RABEP1: variants seen among roughly 807,000 people sequenced by gnomAD.
RABEP1 encodes the protein rab GTPase-binding effector protein 1.
Under a neutral mutation model 123.4 loss-of-function variants are expected in RABEP1, and 51 were observed. That is an observed-to-expected ratio of 0.41 (90% CI 0.33 to 0.52). The LOEUF (loss-of-function observed/expected upper bound fraction) is 0.52, where lower values mean the gene tolerates loss of function less well. RABEP1 is among the 20% of genes least tolerant of loss of function. RABEP1 has a pLI of 0.16. For synonymous variants in RABEP1, 347 were observed against 355.2 expected, an observed-to-expected ratio of 0.98 and a Z score of 0.26; for missense variants, 888 against 996.3, an observed-to-expected ratio of 0.89 and a Z score of 1.46.
At chr17:5,352,852 A>C (rs1252964183) in intron 7 of RABEP1, among the ~76,000 whole-genome samples, 1 of 152,104 alleles carries the variant, frequency 6.6e-6, no homozygotes, top group Non-Finnish European at 1.5e-5. Flanking sequence ...ACAAAAACAA[A>C]GAGTCTAAAC....
At chr17:5,309,423 G>A (rs1262742817) in intron 2 of RABEP1, among the ~76,000 whole-genome samples, 1 of 152,064 alleles carries the variant, frequency 6.6e-6, no homozygotes, top group Admixed American at 6.6e-5. Context: ...GCCAACGGGC[G>A]GGGGCGGATC....
chr17:5,302,546 A>G (rs1185605489), intron 1 of RABEP1, among the ~76,000 whole-genome samples: 2 of 149,864 alleles, frequency 1.3e-5, no homozygotes. Flanking sequence ...CGGCCAGCTT[A>G]CCTTAGTCTA....
chr17:5,365,811 C>T (rs144512982), intron 11 of RABEP1, among the ~76,000 whole-genome samples: 7 of 152,318 alleles, frequency 4.6e-5, no homozygotes, highest in East Asian at 3.9e-4. Flanking sequence ...TGTGTTCCTC[C>T]GTTCAACAGT....
intron 12 of RABEP1, among the ~76,000 whole-genome samples, chr17:5,372,040 T>A (rs1014723504): frequency 1.4e-4 from 21 of 152,142 alleles, no homozygotes; most frequent in Admixed American, 1.1e-3. Flanking sequence ...TAGAGCTTTA[T>A]CTGATACTCG....
chr17:5,325,110 C>A (rs549967969), intron 2 of RABEP1, among the ~76,000 whole-genome samples: 1 of 151,856 alleles, frequency 6.6e-6, no homozygotes, highest in Non-Finnish European at 1.5e-5. Context: ...CTCAGGAGTT[C>A]GAGACCAGCC....
rs553803165 is a variant in RABEP1, at chr17:5,305,126, A to T, written c.35-3568A>T. Among the ~76,000 whole-genome samples, 11 of 152,212 alleles carry T rather than the reference A, an allele frequency of 7.2e-5. No homozygotes were observed. In the South Asian group the frequency reaches 2.3e-3, roughly 32 times the overall value. ...TGTGGTTGGTTGCTAATGCATTAGGATATGCTTATTTGTAAACTTTCTCAT... is the reference window on the plus strand; with the variant it reads ...TGTGGTTGGTTGCTAATGCATTAGGTTATGCTTATTTGTAAACTTTCTCAT... On this transcript the variant is annotated intron_variant, in intron 1 of 17. Coordinates refer to ENST00000537505, the MANE Select transcript of RABEP1 (RefSeq NM_004703.6).
intron 17 of RABEP1, among the ~76,000 whole-genome samples, chr17:5,382,776 C>T (rs542297604): frequency 6.6e-6 from 1 of 151,998 alleles, no homozygotes; most frequent in South Asian, 2.1e-4. Flanking sequence ...GCAAGCAAGC[C>T]AGGTGTGATG....
At chr17:5,355,945 T>C (rs1222266140) in intron 8 of RABEP1, among the ~76,000 whole-genome samples, 2 of 152,156 alleles carry the variant, frequency 1.3e-5, no homozygotes, top group Non-Finnish European at 2.9e-5. Flanking sequence ...TTACATAGTG[T>C]TTTCATCATG....
At chr17:5,381,678 A>G in intron 17 of RABEP1, 173 bp downstream of exon 17, 2 of 1,182,144 alleles carry the variant, frequency 1.7e-6, no homozygotes, top group Non-Finnish European at 2.2e-6. Flanking sequence ...TGTGTTCTTC[A>G]CACTTGGCCC....
chr17:5,290,027 T>C (rs746689083), intron 1 of RABEP1, among the ~76,000 whole-genome samples: 3 of 152,234 alleles, frequency 2.0e-5, no homozygotes, highest in Non-Finnish European at 4.4e-5. Flanking sequence ...TAGGTTTTTA[T>C]CCACTGAAGT....
intron 13 of RABEP1, among the ~76,000 whole-genome samples, chr17:5,376,520 A>G (rs1300176313): frequency 6.6e-6 from 1 of 152,184 alleles, no homozygotes; most frequent in Non-Finnish European, 1.5e-5. Flanking sequence ...TTCTAAAAGA[A>G]GACAGAACTA....
chr17:5,293,831 G>A (rs1017861820), intron 1 of RABEP1, among the ~76,000 whole-genome samples: 4 of 152,100 alleles, frequency 2.6e-5, no homozygotes, highest in African/African-American at 9.7e-5. Context: ...CATAACTTAT[G>A]TTGTTAGTGT....
At chr17:5,299,922 G>A (rs1202680326) in intron 1 of RABEP1, among the ~76,000 whole-genome samples, 1 of 151,424 alleles carries the variant, frequency 6.6e-6, no homozygotes, top group African/African-American at 2.4e-5. Context: ...TAGAGATGGG[G>A]TTTCACCATG....
chr17:5,349,270 A>G (rs1438941772), intron 6 of RABEP1, among the ~76,000 whole-genome samples: 1 of 152,236 alleles, frequency 6.6e-6, no homozygotes, highest in Non-Finnish European at 1.5e-5. Flanking sequence ...CTGAGGGCAG[A>G]AGAATAAAAA....
intron 2 of RABEP1, among the ~76,000 whole-genome samples, chr17:5,326,728 C>T (rs926583208): frequency 1.3e-5 from 2 of 151,958 alleles, no homozygotes; most frequent in Non-Finnish European, 2.9e-5. Flanking sequence ...TGTGGATGTA[C>T]AGGGGTGTGG....
rs544620676 is a variant in RABEP1, at chr17:5,384,686, CT to C, written c.*1465del. ...TCATCTCTTGGGTTATTATTGTAGTCTTGCATTCATGGTTATGAATTTAAAA... is the reference window on the plus strand; with the variant it reads ...TCATCTCTTGGGTTATTATTGTAGTCTGCATTCATGGTTATGAATTTAAAA... On this transcript the variant is annotated 3_prime_UTR_variant, in exon 18 of 18. Coordinates refer to ENST00000537505, the MANE Select transcript of RABEP1 (RefSeq NM_004703.6). 5.2e-4 allele frequency: 111 copies of C among 214,006 alleles called. No individual in the cohort carries two copies. The highest frequency in any genetic ancestry group is 2.3e-3 in the African/African-American group (102 of 44,356). The allele number at this position is 214,006 out of a possible 1,614,324, so 13.3% of individuals were successfully genotyped here.
rs554586631 is a variant in RABEP1 at position 5,363,768 on chromosome 17, A to G, written c.1668+752A>G. Among the ~76,000 whole-genome samples the G allele has an allele frequency of 4.3e-4, 66 of 152,288 alleles. 1 individual carries two copies. Among genetic ancestry groups the G allele is most frequent in the African/African-American group, 1.6e-3 (65 of 41,568 alleles). ...GCATATTACTCATTTCTTGTCATAA[A>G]TTTGTTGAATTAAGGTTAATAAGTT... On this transcript the variant is annotated intron_variant, in intron 10 of 17. Coordinates refer to ENST00000537505, the MANE Select transcript of RABEP1 (RefSeq NM_004703.6).
chr17:5,322,905 T>A (rs974706190), intron 2 of RABEP1, among the ~76,000 whole-genome samples: 1 of 152,050 alleles, frequency 6.6e-6, no homozygotes, highest in Non-Finnish European at 1.5e-5. Context: ...TGAAACTCCG[T>A]CTTTACAAAA....
intron 2 of RABEP1, among the ~76,000 whole-genome samples, chr17:5,324,279 C>G (rs745331224): frequency 3.3e-5 from 5 of 152,092 alleles, no homozygotes; most frequent in Non-Finnish European, 7.4e-5. Context: ...AGAAACAAAT[C>G]CATGCATTTT....
Sources: gnomAD v4.1 joint callset for allele counts (sites outside exome capture counted in the v4.1 genomes callset) on GRCh38, gnomAD v4.1.1 for gene constraint, MANE v1.5 for transcripts, NCBI Gene and HGNC (gene_info 2026-07-23, HGNC 2026-07-21) for gene names.